EIPR1: variants seen among roughly 807,000 people sequenced by gnomAD.
The protein encoded by EIPR1 is EARP complex and GARP complex interacting protein 1.
A neutral mutation model predicts 48.1 loss-of-function variants in EIPR1; 25 were observed. The ratio of observed to expected loss-of-function variants is 0.52; its 90% CI spans 0.38 to 0.73. The LOEUF is 0.73. Among genes scored for constraint, EIPR1 ranks in the 30% least tolerant of loss-of-function variants. The pLI is 0.00. For synonymous variants in EIPR1, 204 were observed against 201.9 expected, an observed-to-expected ratio of 1.01 and a Z score of -0.09; for missense variants, 415 against 506.2, an observed-to-expected ratio of 0.82 and a Z score of 1.73.
intron 3 of EIPR1, among the ~76,000 whole-genome samples, chr2:3,269,315 G>A (rs62121463): frequency 0.53 from 36,178 of 68,600 alleles, 11,007 homozygotes; most frequent in East Asian, 0.66. Flanking sequence ...ATCGCACTCA[G>A]TCATCGCACT....
rs1664531248 is a variant in EIPR1, at chr2:3,189,592, A to G, written c.990-84T>C. ...GGGCAGGGAGGACGCGAGCGCTGAC[A>G]TCGGGAGACACGGGAGGTACTGGGG... On this transcript the variant is annotated intron_variant, in intron 8 of 8. Transcript: ENST00000382125. This position sits in a 1 kb window ranked among gnomAD's most constrained non-coding sequence, Gnocchi z 4.6. 1 of 1,329,794 alleles carries G rather than the reference A, an allele frequency of 7.5e-7. No homozygotes were observed. The allele number at this position is 1,329,794 out of a possible 1,614,324, so 82.4% of individuals were successfully genotyped here.
intron 1 of EIPR1, among the ~76,000 whole-genome samples, chr2:3,373,982 T>C (rs1313862189): frequency 6.8e-6 from 1 of 147,868 alleles, no homozygotes; most frequent in Non-Finnish European, 1.5e-5. Flanking sequence ...CAAACTATAC[T>C]ACAAGGCTAC....
intron 5 of EIPR1, among the ~76,000 whole-genome samples, chr2:3,198,374 C>G (rs773843117): frequency 1.3e-5 from 2 of 152,142 alleles, no homozygotes; most frequent in Non-Finnish European, 2.9e-5. Context: ...CCGAGAAAGG[C>G]GGTCATCAGT....
intron 3 of EIPR1, among the ~76,000 whole-genome samples, chr2:3,316,255 C>T (rs1288705756): frequency 3.9e-5 from 6 of 151,968 alleles, no homozygotes; most frequent in Admixed American, 1.3e-4. Flanking sequence ...ACCACCATCC[C>T]CACTCCCACC....
At chr2:3,216,257 G>A (rs930755714) in intron 4 of EIPR1, among the ~76,000 whole-genome samples, 14 of 152,042 alleles carry the variant, frequency 9.2e-5, no homozygotes, top group African/African-American at 3.1e-4. Flanking sequence ...TCTATATGAC[G>A]GGCAGTAAAT....
intron 3 of EIPR1, among the ~76,000 whole-genome samples, chr2:3,326,668 T>C (rs947660760): frequency 6.6e-6 from 1 of 152,096 alleles, no homozygotes; most frequent in Non-Finnish European, 1.5e-5. Context: ...GTCACACACA[T>C]TTCACTTCCA....
rs759539574 is a variant in EIPR1 at position 3,208,701 on chromosome 2, T to C, written c.516+5448A>G. 6.5e-6 allele frequency: 10 copies of C among 1,549,982 alleles called. 1 individual carries two copies. In the South Asian group the frequency reaches 1.2e-4, roughly 18 times the overall value. ...CAACCCCAATTCCCCCAGGAAACAC[T>C]CGGCGGGTCCTTCTTCCATGCGTGA... On this transcript the variant is annotated intron_variant, in intron 5 of 8. Coordinates refer to ENST00000382125, the MANE Select transcript of EIPR1 (RefSeq NM_003310.5).
At chr2:3,358,013 A>G (rs1670769397) in intron 1 of EIPR1, among the ~76,000 whole-genome samples, 1 of 152,142 alleles carries the variant, frequency 6.6e-6, no homozygotes, top group Non-Finnish European at 1.5e-5. Flanking sequence ...CGTTTATGGG[A>G]ATTTGTTATG....
chr2:3,343,947 A>G (rs1156790647), intron 2 of EIPR1, among the ~76,000 whole-genome samples: 1 of 152,242 alleles, frequency 6.6e-6, no homozygotes, highest in Non-Finnish European at 1.5e-5. Flanking sequence ...CACACTTGTG[A>G]TCCCAGCACT....
chr2:3,345,216 C>T (rs756370694), intron 2 of EIPR1, among the ~76,000 whole-genome samples: 21 of 152,148 alleles, frequency 1.4e-4, no homozygotes, highest in Non-Finnish European at 2.6e-4. Context: ...GGCTGAAGTA[C>T]CGGCTCTTCC....
intron 4 of EIPR1, among the ~76,000 whole-genome samples, chr2:3,215,327 T>G (rs1665594420): frequency 6.6e-6 from 1 of 152,136 alleles, no homozygotes; most frequent in Non-Finnish European, 1.5e-5. Flanking sequence ...AATGGCAAAG[T>G]ACTGGACGAG....
At chr2:3,333,631 G>A (rs1385329838) in intron 3 of EIPR1, among the ~76,000 whole-genome samples, 1 of 151,846 alleles carries the variant, frequency 6.6e-6, no homozygotes, top group East Asian at 1.9e-4. Context: ...GTCCCAGCTA[G>A]TTGAGAGACT....
intron 4 of EIPR1, among the ~76,000 whole-genome samples, chr2:3,224,164 G>A (rs1263972929): frequency 6.6e-6 from 1 of 152,122 alleles, no homozygotes; most frequent in Non-Finnish European, 1.5e-5. Flanking sequence ...TTGTCTCCCT[G>A]TAGTCTCTGC....
chr2:3,194,612 T>C (rs1434238315), intron 6 of EIPR1, among the ~76,000 whole-genome samples: 1 of 151,852 alleles, frequency 6.6e-6, no homozygotes, highest in Non-Finnish European at 1.5e-5. Flanking sequence ...TGTTGGGAAA[T>C]TTTATATATA....
In EIPR1 at chr2:3,189,352, C is replaced by T. The variant is rs1488002246; in HGVS notation, c.1146G>A (p.Lys382=). ...LVINRVPRAL[K]YHILL is the part of the protein sequence containing the mutation. ...CCGGGAGTCATAGCAGGATGTGGTACTTCAGGGCCCTGGGCACCCTGTTGA... is the reference window on the plus strand; with the variant it reads ...CCGGGAGTCATAGCAGGATGTGGTATTTCAGGGCCCTGGGCACCCTGTTGA... The change falls in exon 9 of 9, where the codon AAG becomes AAA. Residue 382 remains lysine (K), a synonymous_variant. Transcript: ENST00000382125. This position sits in a 1 kb window ranked among gnomAD's most constrained non-coding sequence, Gnocchi z 4.6. 6.3e-7 allele frequency: 1 copy of T among 1,596,514 alleles called. No individual in the cohort carries two copies. Among genetic ancestry groups the T allele is most frequent in the East Asian group, 2.3e-5 (1 of 44,404 alleles).
intron 3 of EIPR1, among the ~76,000 whole-genome samples, chr2:3,329,949 G>A (rs1418791056): frequency 7.5e-6 from 1 of 132,962 alleles, no homozygotes; most frequent in Admixed American, 7.5e-5. Context: ...GGACTCCCCT[G>A]GATCACAGGT....
At chr2:3,367,904 G>A (rs62119531) in intron 1 of EIPR1, among the ~76,000 whole-genome samples, 24,556 of 152,018 alleles carry the variant, frequency 0.16, 2,212 homozygotes, top group Non-Finnish European at 0.2. Context: ...AATTAGCCAG[G>A]CGCGGTGGCA....
chr2:3,239,992 A>C (rs577766717), intron 4 of EIPR1, among the ~76,000 whole-genome samples: 19 of 152,238 alleles, frequency 1.2e-4, no homozygotes, highest in African/African-American at 4.6e-4. Context: ...TTCCCAAGGA[A>C]AGCCAGCAGA....
At chr2:3,377,006 G>A (rs949427420) in intron 1 of EIPR1, among the ~76,000 whole-genome samples, 2 of 152,180 alleles carry the variant, frequency 1.3e-5, no homozygotes, top group South Asian at 4.1e-4. Flanking sequence ...CTTATGCTCT[G>A]GGGGCTCATT....
Sources: gnomAD v4.1 joint callset for allele counts (sites outside exome capture counted in the v4.1 genomes callset) on GRCh38, gnomAD v4.1.1 for gene constraint, Gnocchi (gnomAD v3.1) non-coding constraint, MANE v1.5 for transcripts, NCBI Gene and HGNC (gene_info 2026-07-23, HGNC 2026-07-21) for gene names.